Variants in FBXO38 observed in about 807,000 individuals in gnomAD.
The protein encoded by FBXO38 is F-box protein 38, also known as F-box only protein 38.
In FBXO38, 53 loss-of-function variants were observed where a neutral mutation model predicts 131.9. The ratio of observed to expected loss-of-function variants is 0.40; its 90% CI spans 0.32 to 0.51. The LOEUF (loss-of-function observed/expected upper bound fraction) is 0.51, where lower values mean the gene tolerates loss of function less well. Among genes scored for constraint, FBXO38 ranks in the 20% least tolerant of loss-of-function variants. The pLI, the probability that FBXO38 is intolerant of heterozygous loss-of-function variation, is 0.53. For missense variants in FBXO38, 1,076 were observed against 1,475.6 expected (o/e 0.73, Z 4.44); for synonymous variants, 452 against 505.6 (o/e 0.89, Z 1.42).
At position 148,427,365 on chromosome 5, in the gene FBXO38, A is replaced by G. The variant is rs761871705; in HGVS notation, c.2071A>G (p.Ile691Val). The G allele has an allele frequency of 1.2e-6, 2 of 1,614,056 alleles. No individual in the cohort carries two copies. Among genetic ancestry groups the G allele is most frequent in the African/African-American group, 2.7e-5 (2 of 74,918 alleles). The change falls in exon 15 of 22, where the codon ATT (isoleucine) becomes GTT (valine). Residue 691 changes from isoleucine (I) to valine (V), a missense_variant. Physicochemically the swap from Ile to Val is conservative, Grantham distance 29 (BLOSUM62 3). Coordinates refer to ENST00000340253, the MANE Select transcript of FBXO38 (RefSeq NM_205836.3). ...AGCCGATATGAAAGCAGCTAGGGAT[A>G]TTCCTGAAAAGAAAAAAAACAAGGA... ...IKADMKAARD[I>V]PEKKKNKDVY...
intron 18 of FBXO38, among the ~76,000 whole-genome samples, chr5:148,439,345 G>C (rs1346536861): frequency 6.6e-6 from 1 of 152,176 alleles, no homozygotes; most frequent in Non-Finnish European, 1.5e-5. Flanking sequence ...CTTAATAAAG[G>C]ACATACACAG....
intron 20 of FBXO38, 93 bp downstream of exon 20, chr5:148,440,620 A>G: frequency 5.5e-6 from 4 of 721,860 alleles, no homozygotes; most frequent in South Asian, 2.0e-5. Flanking sequence ...TGGGAGGATC[A>G]CTTGAGCCCA....
rs1752938871 is a variant in FBXO38 at position 148,414,448 on chromosome 5, C to A, written c.1264+142C>A. The stretch of plus-strand genomic sequence containing the variant: ...GGATTGTTCATACAAGTTCTGGTAA[C>A]CTTTGATAACCAAGTTGGAAGTATA... On this transcript the variant is annotated intron_variant, in intron 10 of 21. Transcript: ENST00000340253. The A allele has an allele frequency of 1.2e-5, 9 of 745,272 alleles. No individual in the cohort carries two copies. In the Admixed American group the frequency reaches 2.1e-4, roughly 17 times the overall value. The allele number at this position is 745,272 out of a possible 1,614,324, so 46.2% of individuals were successfully genotyped here. A position where few individuals can be genotyped will look rare whatever the true frequency, so the allele number is the denominator to read the frequency against.
At chr5:148,412,460 A>G (rs1330170188) in intron 9 of FBXO38, among the ~76,000 whole-genome samples, 1 of 152,214 alleles carries the variant, frequency 6.6e-6, no homozygotes, top group Non-Finnish European at 1.5e-5. Flanking sequence ...GGTCTGGCAG[A>G]ATAAATAAAT....
chr5:148,433,644 T>A lies in FBXO38; in HGVS notation c.2764T>A (p.Leu922Ile). ...ATTTTTCTGCTTGTAGGTTCTTGTA[T>A]TAAAATCCAAGAATCTTGTTGGAGT... is the stretch of plus-strand genomic sequence containing the variant. ...IEDDHVQVLVLKSKNLVGVTM... is the reference protein window; with the variant it reads ...IEDDHVQVLVIKSKNLVGVTM... Residue 922 changes from leucine to isoleucine, a missense_variant, in exon 17 of 22, where the codon TTA becomes ATA. Leu to Ile is a conservative substitution (Grantham distance 5, BLOSUM62 2). Around this residue, in one of 8 missense-constraint regions of FBXO38, gnomAD observed 282 missense variants for 418.8 expected, o/e 0.67. Coordinates refer to ENST00000340253, the MANE Select transcript of FBXO38 (RefSeq NM_205836.3). The A allele has an allele frequency of 6.2e-7, 1 of 1,600,472 alleles. No homozygotes were observed. The highest frequency in any genetic ancestry group is 1.1e-5 in the South Asian group (1 of 87,650).
At position 148,442,032 on chromosome 5, in the gene FBXO38, G is replaced by A. The variant is rs1342436555; in HGVS notation, c.3452G>A (p.Gly1151Glu). Residue 1151 changes from glycine (G) to glutamate (E), a missense_variant, in exon 22 of 22, where the codon GGA becomes GAA. By Grantham distance (98) the Gly-to-Glu change is moderately conservative (BLOSUM62 -2). Transcript: ENST00000340253. ...GCAGACATCTGTATGGAAACAATAG[G>A]AGAGGAAATTTCAGAGATGCGTCAG... ...LSADICMETI[G>E]EEISEMRQMK... 2 of 1,614,126 alleles carry A rather than the reference G, an allele frequency of 1.2e-6. No individual in the cohort carries two copies. The highest frequency in any genetic ancestry group is 1.7e-6 in the Non-Finnish European group (2 of 1,179,964).
At chr5:148,438,600 T>G in intron 18 of FBXO38, 102 bp downstream of exon 18, 2 of 1,204,502 alleles carry the variant, frequency 1.7e-6, no homozygotes, top group Non-Finnish European at 2.3e-6. Context: ...TTCATTCACT[T>G]GCCCAACCTA....
intron 14 of FBXO38, among the ~76,000 whole-genome samples, chr5:148,426,823 G>A (rs1237793044): frequency 2.0e-5 from 3 of 152,098 alleles, no homozygotes; most frequent in Admixed American, 6.5e-5. Context: ...TTGGGGTGGG[G>A]GTGCAGAAGA....
chr5:148,394,896 T>C lies in FBXO38; in HGVS notation c.120T>C (p.His40=). The change falls in exon 2 of 22, where the codon CAT becomes CAC. Residue 40 remains histidine (H), a synonymous_variant. Coordinates refer to ENST00000340253, the MANE Select transcript of FBXO38 (RefSeq NM_205836.3). ...AACTTTCACATGAAGTACTTTGCCA[T>C]ATTTTTAGGTAAGATTGTGTTTGGT... is the stretch of plus-strand genomic sequence containing the variant. ...MNQLSHEVLC[H]IFRYLPLQDI... is the part of the protein sequence containing the mutation. 6.3e-7 allele frequency: 1 copy of C among 1,585,086 alleles called. No homozygotes were observed. The highest frequency in any genetic ancestry group is 2.3e-5 in the East Asian group (1 of 43,064).
chr5:148,429,353 A>G (rs888133847), intron 15 of FBXO38, among the ~76,000 whole-genome samples: 1 of 151,464 alleles, frequency 6.6e-6, no homozygotes, highest in East Asian at 1.9e-4. Flanking sequence ...TTTATTCCAA[A>G]CTATCACCAT....
intron 12 of FBXO38, among the ~76,000 whole-genome samples, chr5:148,422,421 A>C (rs1206713869): frequency 6.6e-6 from 1 of 152,180 alleles, no homozygotes; most frequent in East Asian, 1.9e-4. Context: ...TTAATCTCAG[A>C]GATGTCTTTC....
Position 148,442,138 on chromosome 5 carries a change from C to T in FBXO38, c.3558C>T (p.Asp1186=). 6.2e-7 allele frequency: 1 copy of T among 1,613,710 alleles called. No homozygotes were observed. The highest frequency in any genetic ancestry group is 8.5e-7 in the Non-Finnish European group (1 of 1,179,744). Residue 1186 remains aspartate (D), a synonymous_variant, in exon 22 of 22, where the codon GAC becomes GAT. Coordinates refer to ENST00000340253, the MANE Select transcript of FBXO38 (RefSeq NM_205836.3). ...CDVNGEPVED[D]YI ...TCAATGGAGAGCCAGTTGAAGATGA[C>T]TACATTTAATTGGTCCCTCCTCCTT...
Position 148,414,498 on chromosome 5 carries a change from C to T in FBXO38, c.1264+192C>T, listed in dbSNP as rs17776978. 5.5e-3 allele frequency among the ~76,000 whole-genome samples: 838 copies of T among 152,242 alleles called. 33 individuals are homozygous for T. In the East Asian group the frequency reaches 0.1, roughly 19 times the overall value. On this transcript the variant is annotated intron_variant, in intron 10 of 21. Coordinates refer to ENST00000340253, the MANE Select transcript of FBXO38 (RefSeq NM_205836.3). The stretch of plus-strand genomic sequence containing the variant: ...ATTCAATGCCTCTTTAAACTTCTGA[C>T]GTTCTCTGCCTAGAAGTGTATACTC...
intron 17 of FBXO38, among the ~76,000 whole-genome samples, chr5:148,436,978 G>C (rs1334406211): frequency 2.0e-5 from 3 of 152,198 alleles, no homozygotes; most frequent in African/African-American, 7.2e-5. Context: ...CATTCTGTCA[G>C]TACCTACACC....
chr5:148,417,126 C>T lies in FBXO38; in HGVS notation c.1540C>T (p.His514Tyr), dbSNP rs191831422. Residue 514 changes from histidine to tyrosine, a missense_variant, in exon 12 of 22, where the codon CAT becomes TAT. His to Tyr is a moderately conservative substitution (Grantham distance 83, BLOSUM62 2). Transcript: ENST00000340253. Reference sequence around the variant, plus strand: ...TGCCAACATCCACGACAACAATCACCATCATCCAGATGACTCAGACGAGGA... The same window carrying T: ...TGCCAACATCCACGACAACAATCACTATCATCCAGATGACTCAGACGAGGA... ...NNANIHDNNH[H>Y]HPDDSDEEND... 19 of 1,613,702 alleles carry T rather than the reference C, an allele frequency of 1.2e-5. No individual in the cohort carries two copies. The highest frequency in any genetic ancestry group is 1.7e-4 in the Middle Eastern group (1 of 6,060).
intron 20 of FBXO38, 63 bp downstream of exon 20, chr5:148,440,590 A>G: frequency 6.1e-6 from 6 of 991,576 alleles, no homozygotes; most frequent in African/African-American, 1.7e-5. Context: ...CTGTAATCCC[A>G]GCGACTCAGG....
chr5:148,387,557 C>T (rs1053305356), intron 1 of FBXO38, among the ~76,000 whole-genome samples: 9 of 152,162 alleles, frequency 5.9e-5, no homozygotes, highest in Middle Eastern at 3.2e-3. Flanking sequence ...ATTTTGACCT[C>T]CTCCCATGAA....
chr5:148,429,798 C>A (rs1400730456), intron 15 of FBXO38, among the ~76,000 whole-genome samples: 1 of 151,864 alleles, frequency 6.6e-6, no homozygotes, highest in Non-Finnish European at 1.5e-5. Flanking sequence ...TATTTTTTGC[C>A]TTGTGTTCTG....
chr5:148,384,549 C>G (rs182097637), intron 1 of FBXO38, among the ~76,000 whole-genome samples: 2 of 152,314 alleles, frequency 1.3e-5, no homozygotes, highest in East Asian at 3.9e-4. Flanking sequence ...CACCTACACA[C>G]CGTGTGACCT....
Sources: gnomAD v4.1 joint callset for allele counts (sites outside exome capture counted in the v4.1 genomes callset) on GRCh38, gnomAD v4.1.1 for gene constraint, gnomAD v4.1.1 regional missense constraint, MANE v1.5 for transcripts, NCBI Gene and HGNC (gene_info 2026-07-23, HGNC 2026-07-21) for gene names.